Variants in USP35 observed in about 807,000 individuals in gnomAD.
The protein encoded by USP35 is ubiquitin specific peptidase 35.
USP35 carries 69 observed loss-of-function variants against 83.8 expected under a neutral mutation model. The ratio of observed to expected loss-of-function variants is 0.82; its 90% confidence interval spans 0.68 to 1.01. USP35 has a LOEUF of 1.01. USP35 is among the 50% of genes least tolerant of loss of function. The pLI is 0.00. For synonymous variants in USP35, 714 were observed against 589.5 expected (o/e 1.21, Z -3.06); for missense variants, 1,503 against 1,362.5 (o/e 1.10, Z -1.62).
At chr11:78,194,576 C>A (rs879054606) in intron 1 of USP35, among the ~76,000 whole-genome samples, 8 of 152,132 alleles carry the variant, frequency 5.3e-5, no homozygotes, top group African/African-American at 1.9e-4. Flanking sequence ...AGAGGCATTA[C>A]GTGTTAGATG....
intron 3 of USP35, chr11:78,198,767 G>A (rs970286304): frequency 1.5e-5 from 14 of 916,106 alleles, no homozygotes; most frequent in Non-Finnish European, 1.8e-5. Context: ...TTGCCTGTGC[G>A]ACCTTGGACA....
the USP35 span, chr11:78,226,987 T>G: frequency 1.2e-6 from 2 of 1,613,902 alleles, no homozygotes; most frequent in Non-Finnish European, 1.7e-6. Flanking sequence ...TGGGCAAGTT[T>G]TTGTACAGCT....
At position 78,211,563 on chromosome 11, in the gene USP35, C is replaced by G. The variant is rs528677736; in HGVS notation, c.2889+819C>G. On this transcript the variant is annotated intron_variant, in intron 10 of 10. Transcript: ENST00000529308. ...CATGATGGTTGAATTAATTTACACT[C>G]CCACCAACAGTGTAAAGGTATTCCT... Among the ~76,000 whole-genome samples, 97 of 152,324 alleles carry G rather than the reference C, an allele frequency of 6.4e-4. 1 individual carries two copies. Among genetic ancestry groups the G allele is most frequent in the Admixed American group, 1.5e-3 (23 of 15,310 alleles).
At chr11:78,199,038 G>A (rs1249982712) in intron 3 of USP35, 1 of 156,350 alleles carries the variant, frequency 6.4e-6, no homozygotes, top group African/African-American at 2.4e-5. Flanking sequence ...AGCCCGCACA[G>A]GCAGGCTGTG....
intron 1 of USP35, among the ~76,000 whole-genome samples, chr11:78,191,370 G>A (rs774324243): frequency 1.3e-5 from 2 of 152,226 alleles, no homozygotes; most frequent in Non-Finnish European, 2.9e-5. Context: ...TTGCTGGGAC[G>A]CCCCTCAGGC....
In USP35 at chr11:78,207,429, C is replaced by T. The variant is rs536230515; in HGVS notation, c.1392-101C>T. 2.6e-6 allele frequency: 3 copies of T among 1,166,946 alleles called. No individual in the cohort carries two copies. The Admixed American group carries it at 5.7e-5, about 22-fold the overall frequency. 72.3% of individuals were successfully genotyped at this position (1,166,946 alleles called of 1,614,324 possible). On this transcript the variant is annotated intron_variant, in intron 7 of 10. Transcript: ENST00000529308. Reference sequence around the variant, plus strand: ...CCGTCTTGGGGCAGAAATGTCTGTTCTGCCTTTGGCCTAGAGGCTCTGGGC... The same window carrying T: ...CCGTCTTGGGGCAGAAATGTCTGTTTTGCCTTTGGCCTAGAGGCTCTGGGC...
intron 5 of USP35, 35 bp downstream of exon 5, chr11:78,200,269 C>T (rs967464879): frequency 6.2e-7 from 1 of 1,605,752 alleles, no homozygotes. Flanking sequence ...TGGTGAGGCC[C>T]CTGCCTGCTG....
intron 7 of USP35, among the ~76,000 whole-genome samples, chr11:78,206,426 A>G (rs1320582043): frequency 1.3e-5 from 2 of 152,184 alleles, no homozygotes; most frequent in African/African-American, 4.8e-5. Flanking sequence ...ATGGCCACCT[A>G]TCTACCTTAT....
chr11:78,192,697 C>T (rs1227616324), intron 1 of USP35, among the ~76,000 whole-genome samples: 1 of 152,194 alleles, frequency 6.6e-6, no homozygotes, highest in African/African-American at 2.4e-5. Context: ...TGTCAGCTGC[C>T]AGGCTTATGT....
intron 9 of USP35, 123 bp downstream of exon 9, chr11:78,209,086 C>T (rs182571544): frequency 5.5e-5 from 55 of 998,812 alleles, no homozygotes; most frequent in South Asian, 3.3e-4. Context: ...ATGTGGAGGG[C>T]GTGGAGAAGG....
At chr11:78,190,877 C>G (rs1335786569) in intron 1 of USP35, among the ~76,000 whole-genome samples, 1 of 152,218 alleles carries the variant, frequency 6.6e-6, no homozygotes, top group Non-Finnish European at 1.5e-5. Context: ...TCTGCAGAGT[C>G]TCCACTGAAC....
chr11:78,227,967 T>C, the USP35 span, among the ~76,000 whole-genome samples: 118 of 152,214 alleles, frequency 7.8e-4, no homozygotes, highest in Non-Finnish European at 7.6e-4. Flanking sequence ...TTGGGAACTA[T>C]ATATAGAAAA....
chr11:78,211,525 C>T (rs1469570475), intron 10 of USP35, among the ~76,000 whole-genome samples: 1 of 152,166 alleles, frequency 6.6e-6, no homozygotes, highest in African/African-American at 2.4e-5. Flanking sequence ...TGAGGAATTG[C>T]CACACTGTCT....
At position 78,210,302 on chromosome 11, in the gene USP35, G is replaced by A. The variant is rs75370284; in HGVS notation, c.2447G>A (p.Arg816His). 0.017 allele frequency: 27,148 copies of A among 1,613,836 alleles called. 264 individuals carry two copies. The highest frequency in any genetic ancestry group is 0.019 in the Non-Finnish European group (22,624 of 1,180,018). ...LTLLRFSFDL[R>H]TMRRRKILDD... The stretch of plus-strand genomic sequence containing the variant: ...CTGCTGCGCTTCTCTTTCGACCTGC[G>A]CACCATGCGGCGCCGCAAGATCCTG... Residue 816 changes from arginine (R) to histidine (H), a missense_variant, in exon 10 of 11, where the codon CGC (arginine) becomes CAC (histidine). By Grantham distance (29) the Arg-to-His change is conservative. Coordinates refer to ENST00000529308, the MANE Select transcript of USP35 (RefSeq NM_020798.4).
In USP35 at chr11:78,200,636, C is replaced by A; in HGVS notation, c.1039-14C>A. 1 of 1,601,768 alleles carries A rather than the reference C, an allele frequency of 6.2e-7. No homozygotes were observed. The highest frequency in any genetic ancestry group is 8.5e-7 in the Non-Finnish European group (1 of 1,172,752). On this transcript the variant is annotated splice_polypyrimidine_tract_variant and intron_variant, in intron 5 of 10. Transcript: ENST00000529308. Reference sequence around the variant, plus strand: ...CGGGTTGGTGCTGAGCCTGACGCAGCTCTGCTCCCACAGCTCCTCCCTCAC... The same window carrying A: ...CGGGTTGGTGCTGAGCCTGACGCAGATCTGCTCCCACAGCTCCTCCCTCAC...
At chr11:78,206,101 T>G in intron 7 of USP35, 66 bp downstream of exon 7, 1 of 1,546,448 alleles carries the variant, frequency 6.5e-7, no homozygotes. Flanking sequence ...TGATGACAGG[T>G]GGAAAGGTGT....
intron 10 of USP35, among the ~76,000 whole-genome samples, chr11:78,212,928 C>G (rs995003567): frequency 2.4e-4 from 37 of 152,002 alleles, no homozygotes; most frequent in Non-Finnish European, 3.8e-4. Flanking sequence ...GGGAGGGGGT[C>G]CCACTACCCA....
chr11:78,210,539 A>C lies in USP35; in HGVS notation c.2684A>C (p.Asp895Ala). Reference sequence around the variant, plus strand: ...GAGAACCAGTGGTACCTGTTCAATGACACTCGGGTGTCCTTCTCTTCCTTC... The same window carrying C: ...GAGAACCAGTGGTACCTGTTCAATGCCACTCGGGTGTCCTTCTCTTCCTTC... ...EPENQWYLFN[D>A]TRVSFSSFES... Residue 895 changes from aspartate (D) to alanine (A), a missense_variant, in exon 10 of 11, where the codon GAC (aspartate) becomes GCC (alanine). By Grantham distance (126) the Asp-to-Ala change is moderately radical. Transcript: ENST00000529308. 1.9e-6 allele frequency: 3 copies of C among 1,613,234 alleles called. No homozygotes were observed. Among genetic ancestry groups the C allele is most frequent in the Non-Finnish European group, 2.5e-6 (3 of 1,179,236 alleles).
chr11:78,218,328 G>A, downstream of USP35: 1 of 152,860 alleles, frequency 6.5e-6, no homozygotes, highest in Non-Finnish European at 1.5e-5. Flanking sequence ...TTTACCATGT[G>A]TTCCTGCCCC....
Sources: allele counts gnomAD v4.1 joint callset (sites outside exome capture counted in the v4.1 genomes callset), GRCh38; gene constraint gnomAD v4.1.1; transcripts MANE v1.5; gene names NCBI Gene and HGNC (gene_info 2026-07-23, HGNC 2026-07-21).